The following INPP4B variants were observed in gnomAD, a reference collection of about 807,000 sequenced individuals.
INPP4B encodes inositol polyphosphate-4-phosphatase type II B, also known as inositol polyphosphate 4-phosphatase type II.
A neutral mutation model predicts 122.5 loss-of-function variants in INPP4B; 55 were observed. The ratio of observed to expected loss-of-function variants is 0.45; its 90% CI spans 0.36 to 0.56. The LOEUF is 0.56. Among genes scored for constraint, INPP4B ranks in the 20% least tolerant of loss-of-function variants. INPP4B has a pLI of 0.00. For missense variants in INPP4B, 1,000 were observed against 1,097.7 expected (o/e 0.91, Z 1.26); for synonymous variants, 403 against 388.7 (o/e 1.04, Z -0.43).
intron 6 of INPP4B, among the ~76,000 whole-genome samples, chr4:142,404,788 G>A (rs1166366637): frequency 6.6e-6 from 1 of 151,620 alleles, no homozygotes; most frequent in Non-Finnish European, 1.5e-5. Flanking sequence ...AATTTCTCTG[G>A]GTACTGTACA....
chr4:142,645,331 C>T (rs1468358358), intron 2 of INPP4B, among the ~76,000 whole-genome samples: 1 of 152,078 alleles, frequency 6.6e-6, no homozygotes, highest in Non-Finnish European at 1.5e-5. Flanking sequence ...ACAGTAGAGG[C>T]AGAAGTCAGA....
At chr4:142,729,588 G>A (rs76697825) in intron 1 of INPP4B, among the ~76,000 whole-genome samples, 9 of 152,232 alleles carry the variant, frequency 5.9e-5, no homozygotes, top group African/African-American at 2.2e-4. Context: ...AAGCAAGAAG[G>A]CTCCCTCTTT....
chr4:142,826,005 A>G (rs1404540571), intron 1 of INPP4B, among the ~76,000 whole-genome samples: 1 of 152,146 alleles, frequency 6.6e-6, no homozygotes, highest in East Asian at 1.9e-4. Flanking sequence ...CTTTGTTTAT[A>G]TGCCCTGTTC....
intron 25 of INPP4B, among the ~76,000 whole-genome samples, chr4:142,034,669 C>T (rs1742710481): frequency 6.6e-6 from 1 of 152,210 alleles, no homozygotes; most frequent in South Asian, 2.1e-4. Context: ...CGGACCCCTT[C>T]CCTTGTATCC....
chr4:142,223,514 T>A (rs1673593386), intron 12 of INPP4B, among the ~76,000 whole-genome samples: 1 of 152,086 alleles, frequency 6.6e-6, no homozygotes, highest in Non-Finnish European at 1.5e-5. Flanking sequence ...TCTAAATGAG[T>A]TTTGCCTTAT....
chr4:142,770,506 T>C (rs1772881821), intron 1 of INPP4B, among the ~76,000 whole-genome samples: 1 of 152,048 alleles, frequency 6.6e-6, no homozygotes, highest in Admixed American at 6.6e-5. Context: ...CAAATCTTCA[T>C]CTCCTCTATT....
Position 142,465,193 on chromosome 4 carries a change from A to C in INPP4B, c.-190-2467T>G, listed in dbSNP as rs574666739. Among the ~76,000 whole-genome samples, 18 of 152,366 alleles carry C rather than the reference A, an allele frequency of 1.2e-4. No individual in the cohort carries two copies. In the East Asian group the frequency reaches 3.3e-3, roughly 28 times the overall value. On this transcript the variant is annotated intron_variant, in intron 2 of 25. Coordinates refer to ENST00000262992, the MANE Select transcript of INPP4B (RefSeq NM_001101669.3). The stretch of plus-strand genomic sequence containing the variant: ...GTGCAAGTCTAAAGGACAAAAGTTT[A>C]TGATGCAGAAAGATCAACTGTCCTA...
chr4:142,529,237 C>CA (rs1313245903), intron 2 of INPP4B, among the ~76,000 whole-genome samples: 1 of 152,082 alleles, frequency 6.6e-6, no homozygotes, highest in East Asian at 1.9e-4. Context: ...TCAGATTCTA[C>CA]ATTGCTATTA....
intron 5 of INPP4B, among the ~76,000 whole-genome samples, chr4:142,416,036 G>C (rs570025147): frequency 6.6e-6 from 1 of 152,132 alleles, no homozygotes; most frequent in South Asian, 2.1e-4. Flanking sequence ...ATAGCATTAG[G>C]AGATATACCT....
intron 5 of INPP4B, among the ~76,000 whole-genome samples, chr4:142,428,713 G>C (rs1200522140): frequency 6.6e-6 from 1 of 152,016 alleles, no homozygotes; most frequent in African/African-American, 2.4e-5. Context: ...AAATGTCACT[G>C]GCATTTTCAC....
intron 7 of INPP4B, chr4:142,347,416 C>T (rs1358010070): frequency 2.6e-6 from 1 of 384,020 alleles, no homozygotes; most frequent in East Asian, 8.8e-5. Context: ...AAGTGCAGCC[C>T]TTATCTTTAT....
At chr4:142,707,273 C>T (rs1277230866) in intron 2 of INPP4B, among the ~76,000 whole-genome samples, 2 of 152,216 alleles carry the variant, frequency 1.3e-5, no homozygotes, top group Non-Finnish European at 2.9e-5. Context: ...ATTGGAACCA[C>T]TCAACCTCAA....
intron 2 of INPP4B, among the ~76,000 whole-genome samples, chr4:142,472,657 A>T (rs539329808): frequency 6.6e-6 from 1 of 152,204 alleles, no homozygotes; most frequent in Non-Finnish European, 1.5e-5. Context: ...ACTTGCACAA[A>T]TTTTTTCCTT....
At chr4:142,238,368 A>T (rs1223715833) in intron 11 of INPP4B, among the ~76,000 whole-genome samples, 1 of 152,124 alleles carries the variant, frequency 6.6e-6, no homozygotes, top group East Asian at 1.9e-4. Flanking sequence ...AGTTTTATAA[A>T]GTGTATGTGT....
chr4:142,481,086 G>C (rs1297433388), intron 2 of INPP4B, among the ~76,000 whole-genome samples: 1 of 134,930 alleles, frequency 7.4e-6, no homozygotes, highest in Non-Finnish European at 1.5e-5. Flanking sequence ...AGTGAACCAA[G>C]ATCGCACCAC....
intron 12 of INPP4B, among the ~76,000 whole-genome samples, chr4:142,230,733 T>C (rs1853969107): frequency 1.3e-5 from 2 of 152,020 alleles, no homozygotes; most frequent in South Asian, 4.1e-4. Flanking sequence ...CTTTTATAAA[T>C]TTTCTATATT....
intron 11 of INPP4B, among the ~76,000 whole-genome samples, chr4:142,241,512 T>C (rs1037427982): frequency 9.2e-5 from 14 of 152,166 alleles, no homozygotes; most frequent in African/African-American, 3.4e-4. Flanking sequence ...TTCTCCCAGA[T>C]TGTAATAGGG....
intron 1 of INPP4B, among the ~76,000 whole-genome samples, chr4:142,841,781 A>G (rs565699160): frequency 9.2e-5 from 14 of 151,952 alleles, no homozygotes; most frequent in Non-Finnish European, 1.8e-4. Flanking sequence ...ATCTTGGAAG[A>G]TGCTTTACAT....
At chr4:142,220,309 G>A (rs1848856355) in intron 12 of INPP4B, among the ~76,000 whole-genome samples, 1 of 152,192 alleles carries the variant, frequency 6.6e-6, no homozygotes, top group Non-Finnish European at 1.5e-5. Context: ...TGGCTCAACA[G>A]AGCCGGTTGA....
Sources: gnomAD v4.1 joint callset for allele counts (sites outside exome capture counted in the v4.1 genomes callset) on GRCh38, gnomAD v4.1.1 for gene constraint, MANE v1.5 for transcripts, NCBI Gene and HGNC (gene_info 2026-07-23, HGNC 2026-07-21) for gene names.